The following PLCH1 variants were observed in gnomAD, a reference collection of about 807,000 sequenced individuals.
PLCH1 encodes phospholipase C eta 1, also known as 1-phosphatidylinositol 4,5-bisphosphate phosphodiesterase eta-1.
In PLCH1, 60 loss-of-function variants were observed where a neutral mutation model predicts 126.7. The observed-to-expected ratio is 0.47, with a 90% confidence interval of 0.38 to 0.59. The LOEUF is 0.59. Ranked by LOEUF, PLCH1 falls within the 20% of genes least tolerant of loss-of-function variation. PLCH1 has a pLI of 0.00. For missense variants in PLCH1, 1,723 were observed against 2,040.0 expected (o/e 0.84, Z 2.99); for synonymous variants, 719 against 734.9 (o/e 0.98, Z 0.35).
intron 10 of PLCH1, among the ~76,000 whole-genome samples, chr3:155,534,244 C>A (rs1400494658): frequency 6.6e-6 from 1 of 152,212 alleles, no homozygotes. Flanking sequence ...TGGAGCCACC[C>A]AAGACCATAG....
At chr3:155,487,623 C>G (rs551741303) in intron 21 of PLCH1, among the ~76,000 whole-genome samples, 1 of 152,318 alleles carries the variant, frequency 6.6e-6, no homozygotes, top group South Asian at 2.1e-4. Flanking sequence ...TCGCTGGGAT[C>G]ACAGCCCAGT....
chr3:155,501,117 T>C (rs1216454091), intron 13 of PLCH1, among the ~76,000 whole-genome samples: 1 of 152,216 alleles, frequency 6.6e-6, no homozygotes, highest in African/African-American at 2.4e-5. Flanking sequence ...GCAGTATCTA[T>C]GTAAATGATT....
chr3:155,592,517 A>T, intron 4 of PLCH1, among the ~76,000 whole-genome samples: 1 of 148,466 alleles, frequency 6.7e-6, no homozygotes, highest in East Asian at 2.0e-4. Context: ...AAAAATTGTG[A>T]GAAGAAACTC....
chr3:155,664,141 G>A (rs2108953962), intron 2 of PLCH1, among the ~76,000 whole-genome samples: 1 of 152,266 alleles, frequency 6.6e-6, no homozygotes, highest in Middle Eastern at 3.4e-3. Context: ...AAAGAAACTG[G>A]CAAAGGCAGC....
chr3:155,545,664 G>A (rs1360761879), intron 10 of PLCH1, among the ~76,000 whole-genome samples: 9 of 152,110 alleles, frequency 5.9e-5, no homozygotes, highest in Non-Finnish European at 1.2e-4. Context: ...ACCGAATCCA[G>A]CAGCACATCA....
intron 1 of PLCH1, among the ~76,000 whole-genome samples, chr3:155,733,929 G>GTATATATA (rs1748951791): frequency 1.6e-5 from 1 of 61,938 alleles, no homozygotes; most frequent in African/African-American, 5.6e-5. Flanking sequence ...TGGCCAACAG[G>GTATATATA]TATACATATA....
intron 2 of PLCH1, among the ~76,000 whole-genome samples, chr3:155,624,328 T>C (rs1736956371): frequency 6.6e-6 from 1 of 152,122 alleles, no homozygotes; most frequent in Non-Finnish European, 1.5e-5. Flanking sequence ...GCATTCCCTT[T>C]GAAAACCAGC....
chr3:155,669,055 A>G (rs1040471831), intron 2 of PLCH1, among the ~76,000 whole-genome samples: 3 of 152,098 alleles, frequency 2.0e-5, no homozygotes, highest in African/African-American at 7.2e-5. Context: ...ACATGTACTG[A>G]CATCTCTGGA....
intron 2 of PLCH1, among the ~76,000 whole-genome samples, chr3:155,622,268 A>T (rs997973024): frequency 1.9e-4 from 29 of 152,220 alleles, no homozygotes; most frequent in Admixed American, 2.6e-4. Context: ...GAAACACTAG[A>T]CATGGAAAAG....
intron 21 of PLCH1, among the ~76,000 whole-genome samples, chr3:155,453,886 ATCTT>A (rs1253288041): frequency 3.3e-5 from 5 of 151,862 alleles, no homozygotes; most frequent in Non-Finnish European, 5.9e-5. Flanking sequence ...ATTTCTCTCT[ATCTT>A]TATAAGTAGA....
At chr3:155,458,354 AAAAAG>A (rs1712520160) in intron 21 of PLCH1, among the ~76,000 whole-genome samples, 5 of 144,414 alleles carry the variant, frequency 3.5e-5, no homozygotes, top group Admixed American at 1.4e-4. Context: ...AAAAAAAAAA[AAAAAG>A]AAAGAAAGAA....
chr3:155,689,168 T>A (rs963360067), intron 2 of PLCH1, among the ~76,000 whole-genome samples: 6 of 152,212 alleles, frequency 3.9e-5, no homozygotes, highest in African/African-American at 1.4e-4. Context: ...AACAGGAGTC[T>A]GCCTGGTAAT....
At chr3:155,546,083 A>C (rs1725229134) in intron 10 of PLCH1, among the ~76,000 whole-genome samples, 1 of 152,338 alleles carries the variant, frequency 6.6e-6, no homozygotes, top group East Asian at 1.9e-4. Context: ...AATTAGGAAA[A>C]GAGGAAGTCA....
chr3:155,692,707 C>G (rs1386991589), intron 2 of PLCH1, among the ~76,000 whole-genome samples: 1 of 152,128 alleles, frequency 6.6e-6, no homozygotes, highest in East Asian at 1.9e-4. Context: ...TTCTCTGAGC[C>G]TCATTCTCCT....
intron 10 of PLCH1, among the ~76,000 whole-genome samples, chr3:155,528,940 T>G (rs957915241): frequency 2.0e-5 from 3 of 152,204 alleles, no homozygotes; most frequent in Non-Finnish European, 2.9e-5. Context: ...TTTGGTCAGC[T>G]TTTTCCAGGC....
intron 1 of PLCH1, among the ~76,000 whole-genome samples, chr3:155,737,145 T>A (rs2109202027): frequency 7.2e-6 from 1 of 139,212 alleles, no homozygotes; most frequent in African/African-American, 2.6e-5. Context: ...GGCAGGAGAA[T>A]CGCATGAATC....
At chr3:155,557,396 G>A (rs1474657496) in intron 8 of PLCH1, among the ~76,000 whole-genome samples, 1 of 152,154 alleles carries the variant, frequency 6.6e-6, no homozygotes, top group Admixed American at 6.5e-5. Context: ...TGCCCGACTT[G>A]CTTATGGTGT....
At chr3:155,460,787 AAGATAGATAGATAGATAGATAGAT>A (rs142518324) in intron 21 of PLCH1, among the ~76,000 whole-genome samples, 77 of 146,480 alleles carry the variant, frequency 5.3e-4, no homozygotes, top group African/African-American at 1.4e-3. Context: ...ATAGATATAG[AAGATAGATAGATAGATAGATAGAT>A]AGATAGATAG....
At chr3:155,659,302 C>CTTTTTT (rs753258422) in intron 2 of PLCH1, among the ~76,000 whole-genome samples, 393 of 30,842 alleles carry the variant, frequency 0.013, 130 homozygotes, top group Middle Eastern at 0.028. Context: ...CTATTCACTT[C>CTTTTTT]TTTTTTTTTT....
Sources: gnomAD v4.1 joint callset for allele counts (sites outside exome capture counted in the v4.1 genomes callset) on GRCh38, gnomAD v4.1.1 for gene constraint, MANE v1.5 for transcripts, NCBI Gene and HGNC (gene_info 2026-07-23, HGNC 2026-07-21) for gene names.